SCAPER: variants seen among roughly 807,000 people sequenced by gnomAD.
SCAPER encodes the protein S-phase cyclin A associated protein in the ER.
A neutral mutation model predicts 182.2 loss-of-function variants in SCAPER; 98 were observed. That is an observed-to-expected ratio of 0.54 (90% CI 0.46 to 0.64). The LOEUF is 0.64. Ranked by LOEUF, SCAPER falls within the 30% of genes least tolerant of loss-of-function variation. SCAPER has a pLI of 0.00. For missense variants in SCAPER, 1,432 were observed against 1,690.0 expected, an observed-to-expected ratio of 0.85 and a Z score of 2.68; for synonymous variants, 605 against 564.6, an observed-to-expected ratio of 1.07 and a Z score of -1.01.
chr15:76,477,264 T>C (rs1469920683), intron 24 of SCAPER, among the ~76,000 whole-genome samples: 1 of 152,214 alleles, frequency 6.6e-6, no homozygotes, highest in East Asian at 1.9e-4. Context: ...AAGTCTAGTG[T>C]GGGTATGGTG....
chr15:76,587,351 G>T (rs1290376272), intron 22 of SCAPER, among the ~76,000 whole-genome samples: 1 of 151,982 alleles, frequency 6.6e-6, no homozygotes, highest in African/African-American at 2.4e-5. Context: ...GTTTGTTCTT[G>T]TTTCTCTAGT....
At chr15:76,789,408 T>A (rs2064847053) in intron 8 of SCAPER, among the ~76,000 whole-genome samples, 1 of 152,146 alleles carries the variant, frequency 6.6e-6, no homozygotes, top group South Asian at 2.1e-4. Flanking sequence ...GAAAAACACC[T>A]TTATTTGAAA....
chr15:76,468,326 AG>A (rs761573820), intron 25 of SCAPER, among the ~76,000 whole-genome samples: 2 of 152,164 alleles, frequency 1.3e-5, no homozygotes, highest in Non-Finnish European at 2.9e-5. Context: ...AAGAAAAAAA[AG>A]GTTCAAATGT....
intron 2 of SCAPER, among the ~76,000 whole-genome samples, chr15:76,880,157 G>A (rs189962674): frequency 2.0e-5 from 3 of 152,224 alleles, no homozygotes; most frequent in East Asian, 1.9e-4. Context: ...TGACCTCTGC[G>A]ACAGAGGCTA....
intron 20 of SCAPER, among the ~76,000 whole-genome samples, chr15:76,690,241 A>G (rs1270171580): frequency 6.6e-6 from 1 of 152,246 alleles, no homozygotes; most frequent in Admixed American, 6.5e-5. Flanking sequence ...ATATAACCCC[A>G]GGGTAATCAT....
intron 20 of SCAPER, among the ~76,000 whole-genome samples, chr15:76,699,136 G>C (rs980981616): frequency 6.6e-6 from 1 of 152,166 alleles, no homozygotes; most frequent in Admixed American, 6.5e-5. Flanking sequence ...CTTCACTGAA[G>C]TTGTTTATCA....
At chr15:76,480,218 A>G (rs1197196469) in intron 24 of SCAPER, among the ~76,000 whole-genome samples, 2 of 152,224 alleles carry the variant, frequency 1.3e-5, no homozygotes, top group Non-Finnish European at 2.9e-5. Flanking sequence ...AATTTACTGA[A>G]TATCTTTGGT....
chr15:76,357,176 A>ACACACACACACACAC (rs1181750408), intron 29 of SCAPER, among the ~76,000 whole-genome samples: 37 of 151,694 alleles, frequency 2.4e-4, no homozygotes, highest in Admixed American at 1.3e-4. Flanking sequence ...ACACACACAC[A>ACACACACACACACAC]CACACACACA....
intron 14 of SCAPER, among the ~76,000 whole-genome samples, chr15:76,761,865 T>C (rs2062808769): frequency 6.6e-6 from 1 of 152,244 alleles, no homozygotes; most frequent in Non-Finnish European, 1.5e-5. Flanking sequence ...ATTCTATCCA[T>C]TATTGAGAGT....
At chr15:76,722,009 T>G (rs1456258445) in intron 17 of SCAPER, among the ~76,000 whole-genome samples, 1 of 152,184 alleles carries the variant, frequency 6.6e-6, no homozygotes, top group South Asian at 2.1e-4. Flanking sequence ...TGTGCCAGTT[T>G]TCAAAGGGAA....
In SCAPER at chr15:76,785,769, T is replaced by C. The variant is rs570230240; in HGVS notation, c.772+9511A>G. Among the ~76,000 whole-genome samples the C allele has an allele frequency of 7.2e-5, 11 of 152,126 alleles. No individual in the cohort carries two copies. The South Asian group carries it at 2.1e-3, about 29-fold the overall frequency. ...GGAAACCATCATTCTCAGCAAACTA[T>C]CACAAGGACAGAAACCAAACACTGC... On this transcript the variant is annotated intron_variant, in intron 8 of 31. Coordinates refer to ENST00000563290, the MANE Select transcript of SCAPER (RefSeq NM_020843.4).
At chr15:76,579,289 A>AAAAAAAAG (rs60204833) in intron 22 of SCAPER, among the ~76,000 whole-genome samples, 1 of 150,138 alleles carries the variant, frequency 6.7e-6, no homozygotes, top group Non-Finnish European at 1.5e-5. Context: ...AAAAAAAAAA[A>AAAAAAAAG]TAGTAACTAC....
intron 14 of SCAPER, among the ~76,000 whole-genome samples, chr15:76,758,894 G>A (rs1315634877): frequency 2.0e-5 from 3 of 152,102 alleles, no homozygotes; most frequent in Non-Finnish European, 4.4e-5. Flanking sequence ...TTCATGGTTA[G>A]TGTATGAAAA....
chr15:76,373,017 TTTTC>T (rs755506606), intron 29 of SCAPER, among the ~76,000 whole-genome samples: 5 of 143,732 alleles, frequency 3.5e-5, no homozygotes, highest in South Asian at 2.4e-4. Context: ...TGCCCTGTCT[TTTTC>T]TTTCTTTCTT....
At chr15:76,676,120 C>T (rs937318752) in intron 20 of SCAPER, among the ~76,000 whole-genome samples, 8 of 152,206 alleles carry the variant, frequency 5.3e-5, no homozygotes, top group Admixed American at 2.0e-4. Flanking sequence ...CCACTGTGCC[C>T]GGCTGAAACT....
intron 6 of SCAPER, among the ~76,000 whole-genome samples, chr15:76,803,467 C>T (rs2065929451): frequency 1.3e-5 from 2 of 152,202 alleles, no homozygotes; most frequent in Admixed American, 6.5e-5. Flanking sequence ...TTTATACTTA[C>T]TTAACATCAG....
At chr15:76,410,705 T>C (rs1044816184) in intron 26 of SCAPER, among the ~76,000 whole-genome samples, 2 of 152,132 alleles carry the variant, frequency 1.3e-5, no homozygotes, top group African/African-American at 4.8e-5. Flanking sequence ...CCTCTTTATA[T>C]CTACCCCACT....
intron 8 of SCAPER, among the ~76,000 whole-genome samples, chr15:76,788,058 A>G (rs959368102): frequency 1.3e-5 from 2 of 152,234 alleles, no homozygotes; most frequent in African/African-American, 4.8e-5. Context: ...GAAGATATAC[A>G]ATGGGCAAAT....
chr15:76,837,466 A>G (rs1256187275), intron 5 of SCAPER, among the ~76,000 whole-genome samples: 1 of 152,196 alleles, frequency 6.6e-6, no homozygotes. Flanking sequence ...AGAAGTGTGG[A>G]GCAAAAGGGG....
Sources: allele counts gnomAD v4.1 joint callset (sites outside exome capture counted in the v4.1 genomes callset), GRCh38; gene constraint gnomAD v4.1.1; transcripts MANE v1.5; gene names NCBI Gene and HGNC (gene_info 2026-07-23, HGNC 2026-07-21).